PAK6: variants seen among roughly 807,000 people sequenced by gnomAD.
PAK6 encodes the protein p21 (RAC1) activated kinase 6.
PAK6 carries 33 observed loss-of-function variants against 60.8 expected under a neutral mutation model. The observed-to-expected ratio is 0.54, with a 90% CI of 0.41 to 0.73. PAK6 has a LOEUF of 0.73. Among genes scored for constraint, PAK6 ranks in the 30% least tolerant of loss-of-function variants. The pLI is 0.00. For synonymous variants in PAK6, 404 were observed against 378.5 expected (o/e 1.07, Z -0.78); for missense variants, 845 against 904.1 (o/e 0.93, Z 0.84).
At chr15:40,253,936 G>A (rs2038764503) in intron 3 of PAK6, among the ~76,000 whole-genome samples, 1 of 152,142 alleles carries the variant, frequency 6.6e-6, no homozygotes, top group African/African-American at 2.4e-5. Flanking sequence ...GGGGGCAGAG[G>A]GGCTCAGGTC....
At chr15:40,249,489 C>T (rs537089577) in intron 2 of PAK6, among the ~76,000 whole-genome samples, 15 of 152,316 alleles carry the variant, frequency 9.8e-5, no homozygotes, top group East Asian at 1.9e-4. Flanking sequence ...TAGCTTTGTA[C>T]GGGGCCTGGC....
chr15:40,242,157 C>T (rs539646417), intron 2 of PAK6, among the ~76,000 whole-genome samples: 91 of 152,222 alleles, frequency 6.0e-4, no homozygotes, highest in African/African-American at 2.1e-3. Flanking sequence ...AAAAGGCTGC[C>T]TGGGGTCCTG....
rs150604193 is a variant in PAK6, at chr15:40,262,002, G to A, written c.-5-2779G>A. 3.6e-3 allele frequency among the ~76,000 whole-genome samples: 550 copies of A among 151,432 alleles called. 4 individuals carry two copies. Among genetic ancestry groups the A allele is most frequent in the African/African-American group, 0.013 (530 of 41,260 alleles). On this transcript the variant is annotated intron_variant, in intron 3 of 10. Coordinates refer to ENST00000560346, the Ensembl canonical transcript of PAK6. ...CTCCCTGTGCATCCCCACAGCAAAAGCTGAGCGCTTGGGTGGGGCAGGGGA... is the reference window on the plus strand; with the variant it reads ...CTCCCTGTGCATCCCCACAGCAAAAACTGAGCGCTTGGGTGGGGCAGGGGA...
exon 5 of PAK6, chr15:40,266,485 C>T (rs1269590977): frequency 6.2e-7 from 1 of 1,604,574 alleles, no homozygotes; most frequent in East Asian, 2.2e-5. Flanking sequence ...GGCCCTCCAC[C>T]ACAGAGCAAG....
intron 10 of PAK6, 133 bp from the exon 11 acceptor site, chr15:40,275,794 G>A (rs951648614): frequency 1.3e-6 from 1 of 780,292 alleles, no homozygotes; most frequent in Non-Finnish European, 2.1e-6. Context: ...TTGAGGGGGT[G>A]GGGAGGGACA....
chr15:40,252,848 G>C (rs2038723133), intron 2 of PAK6: 2 of 1,275,196 alleles, frequency 1.6e-6, no homozygotes, highest in Non-Finnish European at 2.0e-6. Flanking sequence ...CGTCCCTGGA[G>C]CGGGACCTCC....
At chr15:40,252,650 C>A (rs1392314156) in intron 2 of PAK6, 1 of 1,326,512 alleles carries the variant, frequency 7.5e-7, no homozygotes, top group Non-Finnish European at 1.0e-6. Flanking sequence ...GGGCCCGGCT[C>A]CCACGACCTC....
intron 2 of PAK6, chr15:40,246,146 T>C (rs995208871): frequency 6.6e-6 from 1 of 152,230 alleles, no homozygotes; most frequent in Non-Finnish European, 1.5e-5. Flanking sequence ...AAGTTCTTTT[T>C]GTCCCAGGTA....
At chr15:40,244,318 A>G (rs998606744) in intron 2 of PAK6, among the ~76,000 whole-genome samples, 2 of 102,116 alleles carry the variant, frequency 2.0e-5, no homozygotes, top group Non-Finnish European at 4.2e-5. Context: ...CCACAGAGCA[A>G]GACTCTGTCT....
At chr15:40,276,065 C>A (rs749904424) in exon 11 of PAK6, 35 of 1,613,766 alleles carry the variant, frequency 2.2e-5, no homozygotes, top group Non-Finnish European at 2.9e-5. Flanking sequence ...CCTGATCCAG[C>A]TCTACCGAAA....
intron 2 of PAK6, among the ~76,000 whole-genome samples, chr15:40,241,715 T>G (rs1019587043): frequency 1.3e-5 from 2 of 152,132 alleles, no homozygotes; most frequent in African/African-American, 4.8e-5. Flanking sequence ...AAACTGATGC[T>G]TTGTGAGTGC....
In PAK6 at chr15:40,252,686, C is replaced by T. The variant is rs977349905; in HGVS notation, c.-117-492C>T. 2.3e-6 allele frequency: 3 copies of T among 1,309,482 alleles called. No homozygotes were observed. The African/African-American group carries it at 4.5e-5, about 20-fold the overall frequency. The allele number at this position is 1,309,482 out of a possible 1,614,324, so 81.1% of individuals were successfully genotyped here. A position where few individuals can be genotyped will look rare whatever the true frequency, so the allele number is the denominator to read the frequency against. On this transcript the variant is annotated intron_variant, in intron 2 of 10. Coordinates refer to ENST00000560346, the Ensembl canonical transcript of PAK6. ...TTCGAGCGTTCCTGGGCTTCCCGCT[C>T]CGCAGGTGGGTTCCCCGGCTGCCCC...
At chr15:40,252,153 G>A (rs1228219412) in intron 2 of PAK6, 1 of 621,690 alleles carries the variant, frequency 1.6e-6, no homozygotes, top group Admixed American at 4.0e-5. Context: ...CAGGTTTTCC[G>A]ACTCCCGCGT....
intron 5 of PAK6, among the ~76,000 whole-genome samples, chr15:40,269,543 T>G (rs1302812004): frequency 2.6e-5 from 4 of 152,242 alleles, no homozygotes; most frequent in South Asian, 2.1e-4. Flanking sequence ...TTAATTCTGT[T>G]GTCGTGTCCC....
At chr15:40,263,037 A>G (rs1249056371) in intron 3 of PAK6, among the ~76,000 whole-genome samples, 1 of 152,192 alleles carries the variant, frequency 6.6e-6, no homozygotes, top group Non-Finnish European at 1.5e-5. Context: ...CATGGCTGAC[A>G]TTGAGATGTG....
At chr15:40,265,526 G>A (rs1408232158) in intron 4 of PAK6, among the ~76,000 whole-genome samples, 1 of 152,036 alleles carries the variant, frequency 6.6e-6, no homozygotes, top group Non-Finnish European at 1.5e-5. Flanking sequence ...AGAGAATGGA[G>A]CCCCGCCCCC....
At chr15:40,264,134 G>A (rs977498348) in intron 3 of PAK6, among the ~76,000 whole-genome samples, 12 of 152,012 alleles carry the variant, frequency 7.9e-5, no homozygotes, top group East Asian at 1.9e-4. Context: ...GTCCCACACC[G>A]GGCAGCATGT....
chr15:40,256,686 G>A (rs2038843191), intron 3 of PAK6, among the ~76,000 whole-genome samples: 1 of 152,206 alleles, frequency 6.6e-6, no homozygotes, highest in Non-Finnish European at 1.5e-5. Context: ...TCAGACTCGT[G>A]TCTGCCCCTT....
exon 5 of PAK6, chr15:40,266,180 C>A: frequency 6.2e-7 from 1 of 1,609,140 alleles, no homozygotes; most frequent in Non-Finnish European, 8.5e-7. Context: ...AGTCCCTGGG[C>A]CCCGCCGAGT....
Sources: allele counts gnomAD v4.1 joint callset (sites outside exome capture counted in the v4.1 genomes callset), GRCh38; gene constraint gnomAD v4.1.1; transcripts MANE v1.5; gene names NCBI Gene and HGNC (gene_info 2026-07-23, HGNC 2026-07-21).